Variants in VRK2 observed in about 807,000 individuals in gnomAD.
VRK2 encodes the protein VRK serine/threonine kinase 2.
VRK2 carries 60 observed loss-of-function variants against 57.6 expected under a neutral mutation model. The observed-to-expected ratio is 1.04, with a 90% CI of 0.85 to 1.29. VRK2 has a LOEUF of 1.29. VRK2 is among the 50% of genes most tolerant of loss of function. VRK2 has a pLI of 0.00. For synonymous variants in VRK2, 231 were observed against 199.2 expected, an observed-to-expected ratio of 1.16 and a Z score of -1.35; for missense variants, 705 against 588.1, an observed-to-expected ratio of 1.20 and a Z score of -2.06.
At chr2:58,110,923 G>C (rs1168738351) in intron 7 of VRK2, among the ~76,000 whole-genome samples, 1 of 152,158 alleles carries the variant, frequency 6.6e-6, no homozygotes, top group Non-Finnish European at 1.5e-5. Context: ...ATGATCAACT[G>C]CCCAGGAAGA....
intron 1 of VRK2, among the ~76,000 whole-genome samples, chr2:57,940,809 T>G (rs576016637): frequency 6.6e-6 from 1 of 152,226 alleles, no homozygotes; most frequent in East Asian, 1.9e-4. Flanking sequence ...AACTAAACTA[T>G]TACTTCACGT....
chr2:58,027,299 C>T (rs1377568486), intron 2 of VRK2, among the ~76,000 whole-genome samples: 1 of 152,012 alleles, frequency 6.6e-6, no homozygotes, highest in African/African-American at 2.4e-5. Context: ...CCATCCAACC[C>T]TATGGTCATA....
In VRK2 at chr2:57,993,889, G is replaced by A. The variant is rs917261115; in HGVS notation, c.-438-31776G>A. 7.9e-5 allele frequency among the ~76,000 whole-genome samples: 12 copies of A among 152,316 alleles called. 1 individual carries two copies. The South Asian group carries it at 2.5e-3, about 32-fold the overall frequency. ...AAAAGCTAGCCTGGAGACAGGGGCA[G>A]GTTGGAGGGTAAATTTCAAAGAGGG... On this transcript the variant is annotated intron_variant, in intron 1 of 15. Transcript: ENST00000417641.
intron 3 of VRK2, chr2:58,033,581 G>A (rs901981488): frequency 6.6e-6 from 1 of 151,990 alleles, no homozygotes; most frequent in African/African-American, 2.4e-5. Flanking sequence ...TATCATATAA[G>A]TCACTAAGTT....
intron 8 of VRK2, among the ~76,000 whole-genome samples, chr2:58,128,271 A>G (rs1375712697): frequency 6.6e-6 from 1 of 152,232 alleles, no homozygotes; most frequent in East Asian, 1.9e-4. Flanking sequence ...CTTCCTCACT[A>G]TGGAAGTCCT....
intron 2 of VRK2, among the ~76,000 whole-genome samples, chr2:58,070,761 G>A (rs1365971285): frequency 4.6e-5 from 7 of 152,074 alleles, no homozygotes; most frequent in African/African-American, 1.4e-4. Context: ...TGAGTAAAGC[G>A]GATATAAATG....
At chr2:58,043,169 A>C (rs774726172), upstream of VRK2, among the ~76,000 whole-genome samples, 9 of 152,204 alleles carry the variant, frequency 5.9e-5, no homozygotes, top group Non-Finnish European at 1.2e-4. Flanking sequence ...TATAAAAACC[A>C]ATGCTAAGTG....
intron 1 of VRK2, among the ~76,000 whole-genome samples, chr2:57,943,227 T>C (rs1340731205): frequency 6.6e-6 from 1 of 152,206 alleles, no homozygotes; most frequent in Non-Finnish European, 1.5e-5. Flanking sequence ...CAAGACATGA[T>C]CTATCCAGCA....
At chr2:58,025,111 G>C (rs1249469917) in intron 1 of VRK2, among the ~76,000 whole-genome samples, 1 of 152,140 alleles carries the variant, frequency 6.6e-6, no homozygotes, top group Non-Finnish European at 1.5e-5. Context: ...GTTTAGTAGA[G>C]TGGCTAATAG....
Position 57,964,302 on chromosome 2 carries a change from A to C in VRK2, c.-439+56463A>C, listed in dbSNP as rs552043694. Among the ~76,000 whole-genome samples the C allele has an allele frequency of 1.3e-4, 20 of 152,316 alleles. No homozygotes were observed. In the East Asian group the frequency reaches 3.9e-3, roughly 29 times the overall value. ...AGAAAAATATTATTAAGAAAATCAAAAGGTAGAGAAAATATATTTACTATT... is the reference window on the plus strand; with the variant it reads ...AGAAAAATATTATTAAGAAAATCAACAGGTAGAGAAAATATATTTACTATT... On this transcript the variant is annotated intron_variant, in intron 1 of 15. Coordinates refer to the VRK2 transcript ENST00000417641.
chr2:58,140,580 A>G (rs192208528), intron 11 of VRK2, among the ~76,000 whole-genome samples: 2 of 152,056 alleles, frequency 1.3e-5, no homozygotes, highest in East Asian at 3.9e-4. Flanking sequence ...CATTTTTAAT[A>G]TTTCTTATGA....
intron 9 of VRK2, among the ~76,000 whole-genome samples, chr2:58,133,121 ATTTG>A (rs1314623539): frequency 1.3e-5 from 2 of 152,124 alleles, no homozygotes; most frequent in African/African-American, 2.4e-5. Flanking sequence ...ATGATTATAT[ATTTG>A]TTTTTTGATA....
chr2:57,909,108 A>ACTG (rs1669911318), intron 1 of VRK2, among the ~76,000 whole-genome samples: 1 of 152,186 alleles, frequency 6.6e-6, no homozygotes, highest in African/African-American at 2.4e-5. Context: ...GAGCTCATGA[A>ACTG]CTGCTTTTGG....
At chr2:58,141,327 C>T (rs1681296892) in intron 11 of VRK2, among the ~76,000 whole-genome samples, 1 of 151,910 alleles carries the variant, frequency 6.6e-6, no homozygotes, top group African/African-American at 2.4e-5. Flanking sequence ...GCTATATCCT[C>T]TGATATAAAA....
At chr2:57,988,278 A>G (rs944886914) in intron 1 of VRK2, among the ~76,000 whole-genome samples, 9 of 152,174 alleles carry the variant, frequency 5.9e-5, no homozygotes, top group Non-Finnish European at 1.2e-4. Flanking sequence ...ATCTCTTCAC[A>G]TAGTTTTATG....
At chr2:57,955,503 A>G (rs970207189) in intron 1 of VRK2, among the ~76,000 whole-genome samples, 1 of 152,214 alleles carries the variant, frequency 6.6e-6, no homozygotes, top group African/African-American at 2.4e-5. Context: ...TTTCAAAGAT[A>G]TAACACATAT....
At chr2:57,996,464 G>A (rs973662713) in intron 1 of VRK2, among the ~76,000 whole-genome samples, 2 of 152,208 alleles carry the variant, frequency 1.3e-5, no homozygotes, top group South Asian at 2.1e-4. Context: ...GATTGCACTT[G>A]TAAATTAGAA....
At chr2:58,068,368 C>CAGAA (rs1339714576) in intron 2 of VRK2, among the ~76,000 whole-genome samples, 3 of 152,124 alleles carry the variant, frequency 2.0e-5, no homozygotes, top group Non-Finnish European at 2.9e-5. Flanking sequence ...TTCCCATCTT[C>CAGAA]ATCATTTCTG....
intron 2 of VRK2, chr2:58,028,530 T>C (rs1331330606): frequency 6.6e-6 from 1 of 152,080 alleles, no homozygotes; most frequent in Non-Finnish European, 1.5e-5. Flanking sequence ...TCCTGAGGAA[T>C]CACCACACTG....
Sources: allele counts gnomAD v4.1 joint callset (sites outside exome capture counted in the v4.1 genomes callset), GRCh38; gene constraint gnomAD v4.1.1; transcripts MANE v1.5; gene names NCBI Gene and HGNC (gene_info 2026-07-23, HGNC 2026-07-21).